The following PLEKHH2 variants were observed in gnomAD, a reference collection of about 807,000 sequenced individuals.
PLEKHH2 encodes the protein pleckstrin homology, MyTH4 and FERM domain containing H2.
PLEKHH2 carries 129 observed loss-of-function variants against 187.9 expected under a neutral mutation model. The observed-to-expected ratio is 0.69, with a 90% CI of 0.59 to 0.79. The LOEUF (loss-of-function observed/expected upper bound fraction) is 0.79. Ranked by LOEUF, PLEKHH2 falls within the 30% of genes least tolerant of loss-of-function variation. The pLI is 0.00. For missense variants in PLEKHH2, 2,076 were observed against 1,751.2 expected, an observed-to-expected ratio of 1.19 and a Z score of -3.31; for synonymous variants, 686 against 605.6, an observed-to-expected ratio of 1.13 and a Z score of -1.95.
chr2:43,731,927 ACTCT>A (rs1671059435), intron 19 of PLEKHH2, among the ~76,000 whole-genome samples: 2 of 151,746 alleles, frequency 1.3e-5, no homozygotes, highest in African/African-American at 2.4e-5. Flanking sequence ...AGGGGTCAGC[ACTCT>A]CTCTCCTCTC....
chr2:43,646,892 CT>C (rs1429583489), intron 2 of PLEKHH2, among the ~76,000 whole-genome samples: 1 of 147,930 alleles, frequency 6.8e-6, no homozygotes, highest in Non-Finnish European at 1.5e-5. Context: ...TGGAATTATT[CT>C]GATGTGTTTT....
At chr2:43,694,353 C>T in intron 4 of PLEKHH2, 78 bp from the exon 5 acceptor site, 4 of 1,431,066 alleles carry the variant, frequency 2.8e-6, no homozygotes, top group Non-Finnish European at 3.7e-6. Flanking sequence ...AGTGGATATG[C>T]CTTGTATATT....
At chr2:43,680,010 C>G (rs1433026596) in intron 3 of PLEKHH2, among the ~76,000 whole-genome samples, 1 of 72,028 alleles carries the variant, frequency 1.4e-5, no homozygotes, top group East Asian at 2.1e-4. Context: ...TCACATAACC[C>G]TTTCTGGGTC....
intron 2 of PLEKHH2, among the ~76,000 whole-genome samples, chr2:43,655,134 A>C (rs1302607072): frequency 6.6e-6 from 1 of 152,148 alleles, no homozygotes; most frequent in Non-Finnish European, 1.5e-5. Context: ...TGAGCCCAGA[A>C]GTTCCGGGGG....
chr2:43,677,203 GT>G (rs201252535), intron 2 of PLEKHH2, among the ~76,000 whole-genome samples: 4,757 of 146,960 alleles, frequency 0.032, 84 homozygotes, highest in South Asian at 0.066. Context: ...GACTTTATGA[GT>G]TTTTTTTTTT....
intron 3 of PLEKHH2, among the ~76,000 whole-genome samples, chr2:43,689,875 G>T (rs1668708733): frequency 6.6e-6 from 1 of 152,150 alleles, no homozygotes; most frequent in South Asian, 2.1e-4. Context: ...CCAAACCATA[G>T]TTTTTCAGGT....
chr2:43,750,934 T>C (rs1226173944), intron 24 of PLEKHH2, among the ~76,000 whole-genome samples: 1 of 152,196 alleles, frequency 6.6e-6, no homozygotes, highest in East Asian at 1.9e-4. Context: ...CAATCAGTGC[T>C]GTAACAGGAA....
Position 43,743,821 on chromosome 2 carries a change from T to G in PLEKHH2, c.3400-13T>G. The G allele has an allele frequency of 6.2e-7, 1 of 1,606,276 alleles. No individual in the cohort carries two copies. The highest frequency in any genetic ancestry group is 1.3e-5 in the African/African-American group (1 of 74,876). On this transcript the variant is annotated splice_polypyrimidine_tract_variant and intron_variant, in intron 22 of 29. Coordinates refer to ENST00000282406, the MANE Select transcript of PLEKHH2 (RefSeq NM_172069.4). ...TTTCTTATTAAGAGAACTGCTTTGT[T>G]ATTTCTGTCTAGGTAGTTGGTTTTG...
intron 10 of PLEKHH2, 127 bp from the exon 11 acceptor site, chr2:43,707,274 T>A: frequency 1.0e-6 from 1 of 971,656 alleles, no homozygotes; most frequent in Non-Finnish European, 1.6e-6. Flanking sequence ...AGTGATAACC[T>A]TAGGGATGGA....
In PLEKHH2 at chr2:43,700,560, G is replaced by A; in HGVS notation, c.1602G>A (p.Val534=). 1 of 1,613,014 alleles carries A rather than the reference G, an allele frequency of 6.2e-7. No individual in the cohort carries two copies. Among genetic ancestry groups the A allele is most frequent in the Non-Finnish European group, 8.5e-7 (1 of 1,179,908 alleles). The change falls in exon 8 of 30, where the codon GTG becomes GTA. Residue 534 remains valine, a synonymous_variant. Coordinates refer to ENST00000282406, the MANE Select transcript of PLEKHH2 (RefSeq NM_172069.4). ...DQEHCDSAKK[V]AYSKPPTPPL... Reference sequence around the variant, plus strand: ...AACACTGTGACTCAGCAAAGAAGGTGGCATACAGCAAACCTCCAACTCCTC... The same window carrying A: ...AACACTGTGACTCAGCAAAGAAGGTAGCATACAGCAAACCTCCAACTCCTC...
At chr2:43,748,980 C>T (rs1358932496) in intron 24 of PLEKHH2, among the ~76,000 whole-genome samples, 8 of 152,182 alleles carry the variant, frequency 5.3e-5, no homozygotes, top group African/African-American at 1.9e-4. Context: ...TGGTATCAAA[C>T]TCCTGACCTC....
At chr2:43,640,883 C>G (rs1409354628) in intron 1 of PLEKHH2, among the ~76,000 whole-genome samples, 3 of 151,044 alleles carry the variant, frequency 2.0e-5, no homozygotes, top group Non-Finnish European at 4.4e-5. Flanking sequence ...CTCCTGGGCT[C>G]AAGTGATCTT....
chr2:43,753,490 A>G, intron 24 of PLEKHH2, 129 bp from the exon 25 acceptor site: 1 of 593,628 alleles, frequency 1.7e-6, no homozygotes, highest in Non-Finnish European at 2.6e-6. Context: ...CATTGACAGT[A>G]GTAGTCTAAG....
intron 3 of PLEKHH2, among the ~76,000 whole-genome samples, chr2:43,685,022 T>C (rs1423597514): frequency 3.3e-5 from 5 of 152,234 alleles, no homozygotes; most frequent in African/African-American, 1.2e-4. Context: ...TGAATTCTCA[T>C]GCACTGATGA....
intron 1 of PLEKHH2, 103 bp from the exon 2 acceptor site, chr2:43,644,568 G>A (rs1666097892): frequency 3.3e-6 from 3 of 911,242 alleles, no homozygotes; most frequent in Admixed American, 3.1e-5. Flanking sequence ...TGATTATAAT[G>A]TGTACATTGG....
At position 43,745,852 on chromosome 2, in the gene PLEKHH2, C is replaced by T. The variant is rs751616923; in HGVS notation, c.3556-14C>T. ...AAAAGTACTGTAAATCTCAGTTTTC[C>T]ACTTCCTTTCTAGATTTGTGACATT... On this transcript the variant is annotated splice_polypyrimidine_tract_variant and intron_variant, in intron 23 of 29. Coordinates refer to ENST00000282406, the MANE Select transcript of PLEKHH2 (RefSeq NM_172069.4). 1.4e-5 allele frequency: 22 copies of T among 1,578,370 alleles called. No individual in the cohort carries two copies. The highest frequency in any genetic ancestry group is 1.6e-5 in the Non-Finnish European group (18 of 1,152,330).
chr2:43,739,536 C>T (rs1412270002), intron 20 of PLEKHH2, among the ~76,000 whole-genome samples: 2 of 152,182 alleles, frequency 1.3e-5, no homozygotes, highest in Admixed American at 6.5e-5. Flanking sequence ...GGGAAATGCT[C>T]TTTAAGACAA....
chr2:43,666,099 C>G (rs1249557047), intron 2 of PLEKHH2, among the ~76,000 whole-genome samples: 2 of 149,736 alleles, frequency 1.3e-5, no homozygotes, highest in East Asian at 1.9e-4. Context: ...AGTTTGATCT[C>G]AGACTGCTGT....
At chr2:43,737,890 G>A (rs1179986294) in intron 19 of PLEKHH2, among the ~76,000 whole-genome samples, 1 of 150,426 alleles carries the variant, frequency 6.6e-6, no homozygotes, top group Non-Finnish European at 1.5e-5. Context: ...TTGGAGATTG[G>A]CCACCACACT....
Sources: allele counts gnomAD v4.1 joint callset (sites outside exome capture counted in the v4.1 genomes callset), GRCh38; gene constraint gnomAD v4.1.1; transcripts MANE v1.5; gene names NCBI Gene and HGNC (gene_info 2026-07-23, HGNC 2026-07-21).